The following SCP2 variants were observed in gnomAD, a reference collection of about 807,000 sequenced individuals.
SCP2 encodes SCP-2/3-oxoacyl-CoA thiolase.
SCP2 carries 48 observed loss-of-function variants against 71.4 expected under a neutral mutation model. The ratio of observed to expected loss-of-function variants is 0.67; its 90% CI spans 0.53 to 0.86. The LOEUF is 0.86. Ranked by LOEUF, SCP2 falls within the 40% of genes least tolerant of loss-of-function variation. The pLI, the probability that SCP2 is intolerant of heterozygous loss-of-function variation, is 0.00. For missense variants in SCP2, 560 were observed against 655.6 expected (o/e 0.85, Z 1.59); for synonymous variants, 220 against 218.1 (o/e 1.01, Z -0.08).
At chr1:52,954,136 C>T (rs989812280) in intron 4 of SCP2, among the ~76,000 whole-genome samples, 2 of 151,220 alleles carry the variant, frequency 1.3e-5, no homozygotes, top group Non-Finnish European at 2.9e-5. Flanking sequence ...CATAGTAAAA[C>T]TCTCTCTACA....
chr1:52,969,598 G>T (rs1219358188), intron 6 of SCP2, among the ~76,000 whole-genome samples: 1 of 152,144 alleles, frequency 6.6e-6, no homozygotes, highest in Non-Finnish European at 1.5e-5. Flanking sequence ...GAGGTTGGGG[G>T]ATCCCCTGAG....
chr1:53,017,457 C>A (rs918679978), intron 12 of SCP2, among the ~76,000 whole-genome samples: 1 of 152,176 alleles, frequency 6.6e-6, no homozygotes, highest in Non-Finnish European at 1.5e-5. Flanking sequence ...AATCAAAAAG[C>A]CTTTGAGTCT....
chr1:52,990,616 C>T (rs982591794), intron 11 of SCP2, among the ~76,000 whole-genome samples: 2 of 151,528 alleles, frequency 1.3e-5, no homozygotes, highest in African/African-American at 2.4e-5. Context: ...CGCCTGCAGT[C>T]CCAGCTACTT....
chr1:53,007,056 G>A (rs1324458878), intron 11 of SCP2, among the ~76,000 whole-genome samples: 1 of 152,034 alleles, frequency 6.6e-6, no homozygotes, highest in Non-Finnish European at 1.5e-5. Context: ...AATGATAAAG[G>A]GATCAATTCA....
intron 2 of SCP2, among the ~76,000 whole-genome samples, chr1:52,942,589 G>C (rs1290795059): frequency 6.6e-6 from 1 of 150,732 alleles, no homozygotes; most frequent in African/African-American, 2.4e-5. Flanking sequence ...AAGTATGAAA[G>C]CTTCTTTACA....
At chr1:53,046,847 G>T (rs11588200) in intron 14 of SCP2, among the ~76,000 whole-genome samples, 27,326 of 152,176 alleles carry the variant, frequency 0.18, 5,315 homozygotes, top group African/African-American at 0.49. Flanking sequence ...TTGATCTAGA[G>T]AACCGTATTC....
chr1:53,037,404 T>G (rs1663033069), intron 13 of SCP2, among the ~76,000 whole-genome samples: 1 of 152,146 alleles, frequency 6.6e-6, no homozygotes, highest in African/African-American at 2.4e-5. Context: ...ATTGTCATAG[T>G]GATCATAGCG....
intron 13 of SCP2, among the ~76,000 whole-genome samples, chr1:53,035,800 G>A (rs17107697): frequency 0.098 from 14,918 of 152,058 alleles, 1,440 homozygotes; most frequent in African/African-American, 0.22. Flanking sequence ...TTACAGCTCT[G>A]TGAGGGTAGT....
Position 52,971,002 on chromosome 1 carries a change from G to A in SCP2, c.524-3767G>A, listed in dbSNP as rs1318133426. Among the ~76,000 whole-genome samples, 11 of 114,486 alleles carry A rather than the reference G, an allele frequency of 9.6e-5. No individual in the cohort carries two copies. In the East Asian group the frequency reaches 3.1e-3, roughly 32 times the overall value. 75.1% of individuals were successfully genotyped at this position (114,486 alleles called of 152,430 possible). A position where few individuals can be genotyped will look rare whatever the true frequency, so the allele number is the denominator to read the frequency against. ...TTTTTTTTTTTTTTTTTGAGACAGA[G>A]TCTCAGTCTGTTGCCCAGGCTGGAG... On this transcript the variant is annotated intron_variant, in intron 6 of 15. Coordinates refer to ENST00000371514, the MANE Select transcript of SCP2 (RefSeq NM_002979.5).
chr1:52,968,323 T>A (rs1466042838), intron 6 of SCP2, among the ~76,000 whole-genome samples: 2 of 152,350 alleles, frequency 1.3e-5, no homozygotes, highest in East Asian at 3.9e-4. Context: ...TCTCTTTTGT[T>A]AAATTTTTCA....
intron 5 of SCP2, among the ~76,000 whole-genome samples, chr1:52,958,691 T>C (rs971850123): frequency 2.0e-5 from 3 of 152,122 alleles, no homozygotes; most frequent in Admixed American, 1.3e-4. Context: ...TGATATATTA[T>C]CCTTTTTGTA....
chr1:53,006,853 A>G (rs1557603632), intron 11 of SCP2, among the ~76,000 whole-genome samples: 1 of 152,182 alleles, frequency 6.6e-6, no homozygotes, highest in Non-Finnish European at 1.5e-5. Context: ...ATAAAGAGTC[A>G]AGACCCATCA....
At position 53,010,455 on chromosome 1, in the gene SCP2, AG is replaced by A. The variant is rs533938266; in HGVS notation, c.1082-4433del. On this transcript the variant is annotated intron_variant, in intron 11 of 15. Coordinates refer to ENST00000371514, the MANE Select transcript of SCP2 (RefSeq NM_002979.5). ...ACGGAATACTATGCAGCCATAAAAA[AG>A]GATGAGTTCATGTCCTTTGTAGGGA... Among the ~76,000 whole-genome samples the A allele has an allele frequency of 2.7e-3, 408 of 152,360 alleles. 3 individuals carry two copies. The highest frequency in any genetic ancestry group is 9.6e-3 in the African/African-American group (398 of 41,580).
rs199835815 is a variant in SCP2, at chr1:52,950,869, G to T, written c.314G>T (p.Arg105Leu). 1 of 1,613,942 alleles carries T rather than the reference G, an allele frequency of 6.2e-7. No individual in the cohort carries two copies. The highest frequency in any genetic ancestry group is 8.5e-7 in the Non-Finnish European group (1 of 1,179,902). The change falls in exon 4 of 16, where the codon CGC becomes CTC. Residue 105 changes from arginine to leucine, a missense_variant. By Grantham distance (102) the Arg-to-Leu change is moderately radical (BLOSUM62 -2). Coordinates refer to ENST00000371514, the MANE Select transcript of SCP2 (RefSeq NM_002979.5). ...GGTTCTACTGCTTTGTTTATGGCCC[G>T]CCAGCTGATTCAGGGTGGTAAGGAG... ...ATGSTALFMA[R>L]QLIQGGVAEC...
Position 52,961,768 on chromosome 1 carries a change from A to G in SCP2, c.523+139A>G, listed in dbSNP as rs898269471. On this transcript the variant is annotated intron_variant, in intron 6 of 15. Transcript: ENST00000371514. ...ATGTTTTTTGAATTAAATCGAAGTAATAGTTCTTGTAGAACTTAGTCATAG... is the reference window on the plus strand; with the variant it reads ...ATGTTTTTTGAATTAAATCGAAGTAGTAGTTCTTGTAGAACTTAGTCATAG... 10 of 774,778 alleles carry G rather than the reference A, an allele frequency of 1.3e-5. No homozygotes were observed. The African/African-American group carries it at 1.7e-4, about 14-fold the overall frequency. 48.0% of individuals were successfully genotyped at this position (774,778 alleles called of 1,614,324 possible).
At chr1:52,945,744 A>AATATATATAT (rs147167752) in intron 2 of SCP2, among the ~76,000 whole-genome samples, 10 of 145,726 alleles carry the variant, frequency 6.9e-5, no homozygotes, top group African/African-American at 2.6e-4. Flanking sequence ...AGTTGTGCAT[A>AATATATATAT]ATATATATAT....
intron 11 of SCP2, among the ~76,000 whole-genome samples, chr1:53,005,154 G>C (rs12562238): frequency 0.14 from 20,833 of 152,124 alleles, 2,034 homozygotes; most frequent in East Asian, 0.32. Flanking sequence ...GCCCATCGCA[G>C]CTCAACGAGG....
rs1254712562 is a variant in SCP2, at chr1:53,047,950, G to A, written c.1548+13G>A. On this transcript the variant is annotated intron_variant, in intron 15 of 15. Coordinates refer to ENST00000371514, the MANE Select transcript of SCP2 (RefSeq NM_002979.5). Reference sequence around the variant, plus strand: ...GAATCCTCAGTCGGTAAGTATGATGGAGCTTATATCCTGCTAGTAGGTAGG... The same window carrying A: ...GAATCCTCAGTCGGTAAGTATGATGAAGCTTATATCCTGCTAGTAGGTAGG... 1 of 1,579,022 alleles carries A rather than the reference G, an allele frequency of 6.3e-7. No homozygotes were observed. The highest frequency in any genetic ancestry group is 8.7e-7 in the Non-Finnish European group (1 of 1,148,292).
chr1:52,979,485 G>A (rs2150171962), intron 9 of SCP2, among the ~76,000 whole-genome samples: 1 of 152,002 alleles, frequency 6.6e-6, no homozygotes, highest in African/African-American at 2.4e-5. Context: ...CACCACGCCT[G>A]GCCTCACCGT....
Sources: allele counts gnomAD v4.1 joint callset (sites outside exome capture counted in the v4.1 genomes callset), GRCh38; gene constraint gnomAD v4.1.1; transcripts MANE v1.5; gene names NCBI Gene and HGNC (gene_info 2026-07-23, HGNC 2026-07-21).